The following CHRM2 variants were observed in gnomAD, a reference collection of about 807,000 sequenced individuals.
CHRM2 encodes the protein muscarinic acetylcholine receptor M2.
In CHRM2, 8 loss-of-function variants were observed where a neutral mutation model predicts 25.0. The observed-to-expected ratio is 0.32, with a 90% CI of 0.19 to 0.58. The LOEUF (loss-of-function observed/expected upper bound fraction) is 0.58. Among genes scored for constraint, CHRM2 ranks in the 20% least tolerant of loss-of-function variants. The pLI, the probability that CHRM2 is intolerant of heterozygous loss-of-function variation, is 0.88. For synonymous variants in CHRM2, 202 were observed against 205.7 expected, an observed-to-expected ratio of 0.98 and a Z score of 0.15; for missense variants, 440 against 567.1, an observed-to-expected ratio of 0.78 and a Z score of 2.28.
At chr7:136,966,386 T>C (rs926626792) in intron 2 of CHRM2, among the ~76,000 whole-genome samples, 1 of 151,976 alleles carries the variant, frequency 6.6e-6, no homozygotes, top group Admixed American at 6.6e-5. Flanking sequence ...TAAAAGTCAA[T>C]GATGTTATGT....
intron 2 of CHRM2, among the ~76,000 whole-genome samples, chr7:136,977,373 T>C (rs191333045): frequency 1.3e-4 from 18 of 136,656 alleles, no homozygotes; most frequent in Admixed American, 9.8e-4. Flanking sequence ...TACCTTAGGA[T>C]ATGCTTCCCT....
Position 136,893,186 on chromosome 7 carries a change from C to T in CHRM2, c.-125+23768C>T, listed in dbSNP as rs143783726. ...CTGCTCCTTTCCACACTACCCGCTT[C>T]CTGTCTTAGCTCCATCCTTCCCTAC... On this transcript the variant is annotated intron_variant, in intron 2 of 3. Coordinates refer to ENST00000680005, the MANE Select transcript of CHRM2 (RefSeq NM_001006630.2). Among the ~76,000 whole-genome samples, 481 of 152,256 alleles carry T rather than the reference C, an allele frequency of 3.2e-3. 1 individual carries two copies. Among genetic ancestry groups the T allele is most frequent in the Non-Finnish European group, 5.5e-3 (371 of 68,024 alleles).
At chr7:136,883,149 C>G (rs1269758440) in intron 2 of CHRM2, among the ~76,000 whole-genome samples, 1 of 152,140 alleles carries the variant, frequency 6.6e-6, no homozygotes, top group African/African-American at 2.4e-5. Flanking sequence ...AGCACTACTT[C>G]TGCCTTAACA....
intron 2 of CHRM2, among the ~76,000 whole-genome samples, chr7:136,909,359 G>A (rs1387948098): frequency 6.6e-6 from 1 of 151,860 alleles, no homozygotes; most frequent in African/African-American, 2.4e-5. Flanking sequence ...TTGGAGAGAT[G>A]GTAACAGACG....
chr7:136,882,584 T>A (rs1218500324), intron 2 of CHRM2, among the ~76,000 whole-genome samples: 5 of 152,106 alleles, frequency 3.3e-5, no homozygotes, highest in Non-Finnish European at 7.4e-5. Context: ...CCAATCTGCT[T>A]CTTCTGTTGG....
chr7:137,016,209 G>A lies in CHRM2; in HGVS notation c.1344G>A (p.Lys448=). 1.2e-6 allele frequency: 2 copies of A among 1,613,054 alleles called. No individual in the cohort carries two copies. Among genetic ancestry groups the A allele is most frequent in the Non-Finnish European group, 1.7e-6 (2 of 1,179,336 alleles). ...ACYALCNATF[K]KTFKHLLMCH... ...ATGCACTTTGCAATGCCACCTTCAA[G>A]AAGACCTTTAAACACCTTCTCATGT... The change falls in exon 4 of 4, where the codon AAG becomes AAA. Residue 448 remains lysine (K), a synonymous_variant. Coordinates refer to ENST00000680005, the MANE Select transcript of CHRM2 (RefSeq NM_001006630.2).
intron 2 of CHRM2, among the ~76,000 whole-genome samples, chr7:136,891,987 G>C (rs1796708777): frequency 6.6e-6 from 1 of 152,136 alleles, no homozygotes; most frequent in Admixed American, 6.5e-5. Context: ...GATAACTCAG[G>C]AGAAGGCAGA....
intron 2 of CHRM2, chr7:136,902,800 A>G (rs1797301683): frequency 4.1e-6 from 1 of 242,462 alleles, no homozygotes. Context: ...TTGAAATTCC[A>G]CAGTAAGATG....
At chr7:136,909,231 A>T (rs1797713717) in intron 2 of CHRM2, among the ~76,000 whole-genome samples, 1 of 151,968 alleles carries the variant, frequency 6.6e-6, no homozygotes, top group Non-Finnish European at 1.5e-5. Flanking sequence ...TATTTGTGAT[A>T]AACAAAAAGG....
At chr7:136,988,764 ATTATC>A (rs1189655901) in intron 2 of CHRM2, among the ~76,000 whole-genome samples, 1 of 152,130 alleles carries the variant, frequency 6.6e-6, no homozygotes, top group Non-Finnish European at 1.5e-5. Flanking sequence ...TGGTGACTTG[ATTATC>A]TTGTGTTCTT....
chr7:136,988,424 CATT>C (rs1189053928), intron 2 of CHRM2, among the ~76,000 whole-genome samples: 3 of 152,068 alleles, frequency 2.0e-5, no homozygotes, highest in Non-Finnish European at 4.4e-5. Context: ...ATTGAGTGCT[CATT>C]ATCTGCTGGC....
At position 136,996,844 on chromosome 7, in the gene CHRM2, C is replaced by T. The variant is rs1467559649; in HGVS notation, c.-47+4580C>T. On this transcript the variant is annotated intron_variant, in intron 3 of 3. Transcript: ENST00000680005. The stretch of plus-strand genomic sequence containing the variant: ...ACAGCAAAGGTCATAGAGTGTGAGC[C>T]TACAGGCCAAAGCTGTCCACAAACA... Among the ~76,000 whole-genome samples the T allele has an allele frequency of 6.6e-5, 10 of 152,174 alleles. No individual in the cohort carries two copies. The East Asian group carries it at 1.9e-3, about 29-fold the overall frequency.
chr7:136,994,199 A>G (rs917304385), intron 3 of CHRM2, among the ~76,000 whole-genome samples: 3 of 152,210 alleles, frequency 2.0e-5, no homozygotes, highest in African/African-American at 7.2e-5. Flanking sequence ...TTTTAAAGCA[A>G]AAATAAATCT....
In CHRM2 at chr7:136,993,895, T is replaced by G. The variant is rs371049587; in HGVS notation, c.-47+1631T>G. Reference sequence around the variant, plus strand: ...ATGCATAGAAATCATAGCCATCAACTTAAAAGTCTTAAAAAAATCCAGCCA... The same window carrying G: ...ATGCATAGAAATCATAGCCATCAACGTAAAAGTCTTAAAAAAATCCAGCCA... On this transcript the variant is annotated intron_variant, in intron 3 of 3. Coordinates refer to ENST00000680005, the MANE Select transcript of CHRM2 (RefSeq NM_001006630.2). Among the ~76,000 whole-genome samples, 65 of 152,064 alleles carry G rather than the reference T, an allele frequency of 4.3e-4. 1 individual carries two copies. The highest frequency in any genetic ancestry group is 1.5e-3 in the African/African-American group (63 of 41,382).
At chr7:136,913,715 A>C (rs983316078) in intron 2 of CHRM2, among the ~76,000 whole-genome samples, 1 of 151,902 alleles carries the variant, frequency 6.6e-6, no homozygotes, top group Non-Finnish European at 1.5e-5. Context: ...CACTTCAATG[A>C]CATTTGCTTT....
At chr7:136,897,305 C>A (rs1242144416) in intron 2 of CHRM2, among the ~76,000 whole-genome samples, 2 of 151,414 alleles carry the variant, frequency 1.3e-5, no homozygotes, top group Non-Finnish European at 3.0e-5. Flanking sequence ...ATTGGAGATG[C>A]AAGTCTTATT....
In CHRM2 at chr7:137,006,806, G is replaced by A. The variant is rs979335448; in HGVS notation, c.-46-8014G>A. Among the ~76,000 whole-genome samples the A allele has an allele frequency of 4.6e-5, 7 of 151,824 alleles. No individual in the cohort carries two copies. In the East Asian group the frequency reaches 9.7e-4, roughly 21 times the overall value. Reference sequence around the variant, plus strand: ...TGCATATCTGGTAAAATCTGCCGCCGTATGCTGTAATTTCCTAAAGATGGA... The same window carrying A: ...TGCATATCTGGTAAAATCTGCCGCCATATGCTGTAATTTCCTAAAGATGGA... On this transcript the variant is annotated intron_variant, in intron 3 of 3. Coordinates refer to ENST00000680005, the MANE Select transcript of CHRM2 (RefSeq NM_001006630.2).
At chr7:136,980,085 T>C (rs1354675747) in intron 2 of CHRM2, among the ~76,000 whole-genome samples, 1 of 152,202 alleles carries the variant, frequency 6.6e-6, no homozygotes, top group East Asian at 1.9e-4. Context: ...GAGCATGAAA[T>C]GTTTTTCCAT....
chr7:136,988,221 GA>G (rs1370644876), intron 2 of CHRM2, among the ~76,000 whole-genome samples: 1 of 151,606 alleles, frequency 6.6e-6, no homozygotes, highest in Non-Finnish European at 1.5e-5. Context: ...CATTAAAAAG[GA>G]AAAGAAAAGA....
Sources: allele counts gnomAD v4.1 joint callset (sites outside exome capture counted in the v4.1 genomes callset), GRCh38; gene constraint gnomAD v4.1.1; transcripts MANE v1.5; gene names NCBI Gene and HGNC (gene_info 2026-07-23, HGNC 2026-07-21).